HECW2: variants seen among roughly 807,000 people sequenced by gnomAD.
HECW2 encodes the protein HECT, C2 and WW domain containing E3 ubiquitin protein ligase 2.
A neutral mutation model predicts 175.2 loss-of-function variants in HECW2; 61 were observed. The observed-to-expected ratio is 0.35, with a 90% confidence interval of 0.28 to 0.43. The LOEUF (loss-of-function observed/expected upper bound fraction) is 0.43. Ranked by LOEUF, HECW2 falls within the 20% of genes least tolerant of loss-of-function variation. HECW2 has a pLI of 1.00. For missense variants in HECW2, 1,524 were observed against 2,000.5 expected, an observed-to-expected ratio of 0.76 and a Z score of 4.54; for synonymous variants, 671 against 731.0, an observed-to-expected ratio of 0.92 and a Z score of 1.32.
At chr2:196,564,003 C>T (rs1426185137) in intron 1 of HECW2, among the ~76,000 whole-genome samples, 1 of 152,104 alleles carries the variant, frequency 6.6e-6, no homozygotes, top group Admixed American at 6.6e-5. Context: ...CACAAAAGGA[C>T]ACAGGTACTT....
intron 4 of HECW2, among the ~76,000 whole-genome samples, chr2:196,333,593 T>G (rs1692447053): frequency 6.6e-6 from 1 of 152,242 alleles, no homozygotes; most frequent in Non-Finnish European, 1.5e-5. Flanking sequence ...CATGACCTCA[T>G]TTTTAGTAAT....
intron 14 of HECW2, among the ~76,000 whole-genome samples, chr2:196,283,157 G>C (rs1355083060): frequency 2.7e-5 from 4 of 150,694 alleles, no homozygotes; most frequent in Non-Finnish European, 5.9e-5. Flanking sequence ...AGCTACTCGG[G>C]AGGCTGAGGT....
chr2:196,592,023 T>TA (rs879694509), intron 1 of HECW2, among the ~76,000 whole-genome samples: 2 of 152,266 alleles, frequency 1.3e-5, no homozygotes, highest in Admixed American at 1.3e-4. Context: ...GGAGAAATAG[T>TA]AAAAAGAAAA....
intron 2 of HECW2, among the ~76,000 whole-genome samples, chr2:196,384,316 CG>C (rs1307320798): frequency 2.0e-5 from 3 of 152,174 alleles, no homozygotes; most frequent in Admixed American, 6.5e-5. Flanking sequence ...CACGGTGGCT[CG>C]TACCTGTAAT....
chr2:196,408,768 C>A (rs1695030486), intron 2 of HECW2, among the ~76,000 whole-genome samples: 1 of 152,120 alleles, frequency 6.6e-6, no homozygotes, highest in Non-Finnish European at 1.5e-5. Context: ...CATGTTAAGT[C>A]AAGAGGACTA....
intron 28 of HECW2, among the ~76,000 whole-genome samples, chr2:196,206,110 T>C (rs79733276): frequency 6.2e-4 from 95 of 152,334 alleles, no homozygotes; most frequent in African/African-American, 2.2e-3. Flanking sequence ...AGGAGGGCCC[T>C]GGACTGTGTT....
chr2:196,364,514 C>T (rs780091704), intron 2 of HECW2, among the ~76,000 whole-genome samples: 9 of 152,328 alleles, frequency 5.9e-5, no homozygotes, highest in Middle Eastern at 3.4e-3. Context: ...TCATAATTCA[C>T]ATATGCTTTC....
chr2:196,310,127 A>G (rs1274683843), intron 10 of HECW2, among the ~76,000 whole-genome samples: 2 of 152,232 alleles, frequency 1.3e-5, no homozygotes, highest in Non-Finnish European at 2.9e-5. Flanking sequence ...ACACAAAGCC[A>G]CAAAAAAGAA....
chr2:196,484,127 A>G (rs1686927927), intron 1 of HECW2, among the ~76,000 whole-genome samples: 1 of 152,224 alleles, frequency 6.6e-6, no homozygotes. Context: ...CTAAAATGGG[A>G]AATAATAATA....
chr2:196,381,030 C>T lies in HECW2; in HGVS notation c.293-37266G>A, dbSNP rs546267153. ...TTCTCACTCTACCATTCCCGAAGTG[C>T]TTCTCCTCACAATCATCCCTTGAAG... On this transcript the variant is annotated intron_variant, in intron 2 of 28. Coordinates refer to ENST00000644978, the MANE Select transcript of HECW2 (RefSeq NM_001348768.2). 2.5e-4 allele frequency among the ~76,000 whole-genome samples: 38 copies of T among 152,260 alleles called. No individual in the cohort carries two copies. The South Asian group carries it at 7.3e-3, about 29-fold the overall frequency.
At chr2:196,575,100 A>C (rs1196493230) in intron 1 of HECW2, among the ~76,000 whole-genome samples, 1 of 151,096 alleles carries the variant, frequency 6.6e-6, no homozygotes, top group Admixed American at 6.6e-5. Flanking sequence ...AAAAAAAAAA[A>C]AAAAAGGCAA....
chr2:196,487,694 G>T (rs911359422), intron 1 of HECW2, among the ~76,000 whole-genome samples: 1 of 152,148 alleles, frequency 6.6e-6, no homozygotes, highest in Non-Finnish European at 1.5e-5. Flanking sequence ...GCCAAAGACT[G>T]CATGGATTTA....
intron 2 of HECW2, among the ~76,000 whole-genome samples, chr2:196,349,540 C>CGT (rs1693094668): frequency 2.0e-5 from 3 of 151,180 alleles, no homozygotes; most frequent in Admixed American, 6.6e-5. Flanking sequence ...TGTGTGTGTG[C>CGT]GCGCGCACAC....
Position 196,482,333 on chromosome 2 carries a change from T to C in HECW2, c.-35-48875A>G, listed in dbSNP as rs1013064983. On this transcript the variant is annotated intron_variant, in intron 1 of 28. Coordinates refer to ENST00000644978, the MANE Select transcript of HECW2 (RefSeq NM_001348768.2). The stretch of plus-strand genomic sequence containing the variant: ...AGAGGTGGCGGGCCTGAGCCAGGCA[T>C]CTCCCCTTGCAAAGGAGCATGCTGC... 1.5e-4 allele frequency among the ~76,000 whole-genome samples: 23 copies of C among 152,194 alleles called. 1 individual carries two copies. Among genetic ancestry groups the C allele is most frequent in the Non-Finnish European group, 3.4e-4 (23 of 68,030 alleles).
intron 26 of HECW2, chr2:196,217,566 C>T (rs180815136): frequency 1.9e-4 from 29 of 152,860 alleles, no homozygotes; most frequent in Non-Finnish European, 3.1e-4. Context: ...TTTATACAAA[C>T]AAATACATAA....
chr2:196,330,958 T>C (rs886107582), intron 4 of HECW2, among the ~76,000 whole-genome samples: 2 of 152,148 alleles, frequency 1.3e-5, no homozygotes, highest in Non-Finnish European at 2.9e-5. Context: ...TTCTCCCCTT[T>C]ATCTTTGCTG....
intron 3 of HECW2, among the ~76,000 whole-genome samples, chr2:196,340,002 T>C (rs1163251524): frequency 6.6e-6 from 1 of 152,208 alleles, no homozygotes; most frequent in Non-Finnish European, 1.5e-5. Context: ...AATTCACAAA[T>C]AGCCTACGTA....
chr2:196,566,281 C>CAAAAAAAAA (rs34450556), intron 1 of HECW2, among the ~76,000 whole-genome samples: 3 of 136,192 alleles, frequency 2.2e-5, no homozygotes, highest in Non-Finnish European at 1.6e-5. Context: ...CAAAAATAAG[C>CAAAAAAAAA]AAAAAAAAAA....
chr2:196,575,080 C>CAAAAAAAAAAAAA (rs1164886570), intron 1 of HECW2, among the ~76,000 whole-genome samples: 1 of 29,844 alleles, frequency 3.4e-5, no homozygotes, highest in African/African-American at 1.6e-4. Flanking sequence ...GGCCTTGTCT[C>CAAAAAAAAAAAAA]AAAAAAAAAA....
Sources: allele counts gnomAD v4.1 joint callset (sites outside exome capture counted in the v4.1 genomes callset), GRCh38; gene constraint gnomAD v4.1.1; transcripts MANE v1.5; gene names NCBI Gene and HGNC (gene_info 2026-07-23, HGNC 2026-07-21).